CCDC73: variants seen among roughly 807,000 people sequenced by gnomAD.
CCDC73 encodes the protein coiled-coil domain-containing protein 73.
A neutral mutation model predicts 116.5 loss-of-function variants in CCDC73; 95 were observed. That is an observed-to-expected ratio of 0.82 (90% CI 0.69 to 0.97). CCDC73 has a LOEUF of 0.97. CCDC73 is among the 50% of genes least tolerant of loss of function. The pLI is 0.00. For synonymous variants in CCDC73, 398 were observed against 401.3 expected (o/e 0.99, Z 0.10); for missense variants, 1,066 against 1,206.8 (o/e 0.88, Z 1.73).
At chr11:32,651,925 C>T (rs759977018) in intron 12 of CCDC73, among the ~76,000 whole-genome samples, 1 of 152,200 alleles carries the variant, frequency 6.6e-6, no homozygotes, top group East Asian at 1.9e-4. Flanking sequence ...CTGAATTGGA[C>T]ATCCCATCAC....
At chr11:32,751,399 A>C (rs1407773826) in intron 2 of CCDC73, among the ~76,000 whole-genome samples, 1 of 152,134 alleles carries the variant, frequency 6.6e-6, no homozygotes, top group African/African-American at 2.4e-5. Context: ...GTACAGCACT[A>C]GGACTTGCCT....
chr11:32,697,643 G>A (rs553100143), intron 6 of CCDC73, among the ~76,000 whole-genome samples: 3 of 151,060 alleles, frequency 2.0e-5, no homozygotes, highest in Non-Finnish European at 3.0e-5. Flanking sequence ...GCCACCATGC[G>A]TGGCTAATTT....
chr11:32,799,438 C>T (rs1283156163), upstream of CCDC73, among the ~76,000 whole-genome samples: 1 of 150,752 alleles, frequency 6.6e-6, no homozygotes, highest in African/African-American at 2.4e-5. Flanking sequence ...TCATATTTCC[C>T]AGCCTGGTCT....
the CCDC73 span, among the ~76,000 whole-genome samples, chr11:32,827,711 C>T: frequency 1.3e-5 from 2 of 152,224 alleles, no homozygotes; most frequent in South Asian, 2.1e-4. Flanking sequence ...TGGGTACTGT[C>T]GAGAATGCAA....
At chr11:32,636,912 C>T (rs1164187764) in intron 13 of CCDC73, among the ~76,000 whole-genome samples, 2 of 151,946 alleles carry the variant, frequency 1.3e-5, no homozygotes, top group African/African-American at 4.8e-5. Flanking sequence ...CAATCTCTCA[C>T]ACTACACCAG....
the CCDC73 span, among the ~76,000 whole-genome samples, chr11:32,819,338 C>A: frequency 6.6e-6 from 1 of 152,004 alleles, no homozygotes; most frequent in Non-Finnish European, 1.5e-5. Context: ...CAAATAAAAA[C>A]AAGAGTTTCC....
chr11:32,631,943 G>T (rs1855635465), intron 14 of CCDC73, among the ~76,000 whole-genome samples: 1 of 152,140 alleles, frequency 6.6e-6, no homozygotes, highest in South Asian at 2.1e-4. Flanking sequence ...AAAATTTTAA[G>T]ATTTCTCTTG....
At chr11:32,777,121 C>T (rs1435911813) in intron 1 of CCDC73, among the ~76,000 whole-genome samples, 23 of 121,202 alleles carry the variant, frequency 1.9e-4, no homozygotes, top group Admixed American at 4.5e-4. Context: ...TTTTTTGAGA[C>T]GGAGTCTTCC....
chr11:32,696,364 T>C (rs1012134684), intron 6 of CCDC73, among the ~76,000 whole-genome samples: 3 of 152,200 alleles, frequency 2.0e-5, no homozygotes, highest in African/African-American at 7.2e-5. Context: ...AGTGTGCTAC[T>C]TGAATAACTA....
At chr11:32,747,305 C>T (rs1027324323) in intron 2 of CCDC73, among the ~76,000 whole-genome samples, 1 of 152,052 alleles carries the variant, frequency 6.6e-6, no homozygotes, top group Non-Finnish European at 1.5e-5. Context: ...CTGGAAGCTT[C>T]GTCCCAGAGG....
At chr11:32,779,744 A>G (rs1192478668) in intron 1 of CCDC73, among the ~76,000 whole-genome samples, 2 of 152,198 alleles carry the variant, frequency 1.3e-5, no homozygotes, top group African/African-American at 4.8e-5. Context: ...AGTGAGGTCA[A>G]TCCAGGTTAA....
intron 14 of CCDC73, among the ~76,000 whole-genome samples, chr11:32,627,713 C>T (rs1006029336): frequency 5.9e-5 from 9 of 152,060 alleles, no homozygotes; most frequent in African/African-American, 1.4e-4. Context: ...AGCAAACTAT[C>T]GCAAGGACAA....
intron 3 of CCDC73, among the ~76,000 whole-genome samples, chr11:32,716,172 T>C (rs967608313): frequency 1.1e-4 from 17 of 152,160 alleles, no homozygotes; most frequent in Non-Finnish European, 2.2e-4. Context: ...GCAGTTCTAA[T>C]TTACACTGCT....
At chr11:32,824,452 G>C in the CCDC73 span, among the ~76,000 whole-genome samples, 1 of 152,344 alleles carries the variant, frequency 6.6e-6, no homozygotes, top group South Asian at 2.1e-4. Context: ...AGGAATCTTA[G>C]AGTTCATGCA....
chr11:32,679,161 A>T (rs1242694711), intron 7 of CCDC73, among the ~76,000 whole-genome samples: 1 of 152,146 alleles, frequency 6.6e-6, no homozygotes, highest in East Asian at 1.9e-4. Flanking sequence ...AAATGTACTT[A>T]GTCCTGGAGA....
intron 10 of CCDC73, among the ~76,000 whole-genome samples, chr11:32,654,547 G>T (rs1246981262): frequency 1.3e-5 from 2 of 152,136 alleles, no homozygotes; most frequent in African/African-American, 4.8e-5. Context: ...TACCAACAAA[G>T]CTTGGTGCAA....
the CCDC73 span, among the ~76,000 whole-genome samples, chr11:32,810,636 G>A: frequency 1.7e-4 from 26 of 152,110 alleles, no homozygotes; most frequent in African/African-American, 6.3e-4. Flanking sequence ...AGAATAATAA[G>A]AGAAAATATG....
intron 1 of CCDC73, among the ~76,000 whole-genome samples, chr11:32,760,651 C>A (rs1850384079): frequency 6.6e-6 from 1 of 152,172 alleles, no homozygotes; most frequent in Non-Finnish European, 1.5e-5. Context: ...AACATGCAAT[C>A]TTTAAACTCA....
chr11:32,613,942 C>T lies in CCDC73; in HGVS notation c.2376G>A (p.Val792=). 1 of 1,611,636 alleles carries T rather than the reference C, an allele frequency of 6.2e-7. No homozygotes were observed. Among genetic ancestry groups the T allele is most frequent in the Non-Finnish European group, 8.5e-7 (1 of 1,179,902 alleles). Residue 792 remains valine (V), a synonymous_variant, in exon 16 of 18, where the codon GTG becomes GTA. Transcript: ENST00000335185. The part of the protein sequence containing the change: ...ENSHASQAKD[V]KTAVHMKTCT... The stretch of plus-strand genomic sequence containing the variant: ...AAGTTTTCATGTGAACAGCAGTTTT[C>T]ACATCTTTGGCTTGTGAAGCATGAC...
Sources: allele counts gnomAD v4.1 joint callset (sites outside exome capture counted in the v4.1 genomes callset), GRCh38; gene constraint gnomAD v4.1.1; transcripts MANE v1.5; gene names NCBI Gene and HGNC (gene_info 2026-07-23, HGNC 2026-07-21).